The following MRPS31 variants were observed in gnomAD, a reference collection of about 807,000 sequenced individuals.
MRPS31 encodes small ribosomal subunit protein mS31.
Under a neutral mutation model 43.1 loss-of-function variants are expected in MRPS31, and 32 were observed. The observed-to-expected ratio is 0.74, with a 90% CI of 0.56 to 1.00. The LOEUF is 1.00. MRPS31 is among the 50% of genes least tolerant of loss of function. The pLI is 0.00. For missense variants in MRPS31, 437 were observed against 466.7 expected (o/e 0.94, Z 0.59); for synonymous variants, 165 against 161.6 (o/e 1.02, Z -0.16).
At chr13:40,732,821 T>C (rs1170663636) in intron 6 of MRPS31, among the ~76,000 whole-genome samples, 3 of 152,036 alleles carry the variant, frequency 2.0e-5, no homozygotes, top group Non-Finnish European at 2.9e-5. Context: ...CATGAGCATA[T>C]GTTTAAATTA....
At chr13:40,730,520 G>GAATC (rs966686216) in intron 6 of MRPS31, among the ~76,000 whole-genome samples, 5 of 152,120 alleles carry the variant, frequency 3.3e-5, no homozygotes, top group Admixed American at 1.3e-4. Flanking sequence ...GTGACACTCT[G>GAATC]AATCAATCAA....
chr13:40,758,463 C>T (rs1880597741), intron 3 of MRPS31, among the ~76,000 whole-genome samples: 1 of 151,804 alleles, frequency 6.6e-6, no homozygotes, highest in Admixed American at 6.6e-5. Flanking sequence ...ACTATACTTA[C>T]TACTTAATAT....
intron 4 of MRPS31, among the ~76,000 whole-genome samples, 176 bp from the exon 5 acceptor site, chr13:40,754,268 A>C (rs897189335): frequency 1.3e-5 from 2 of 152,242 alleles, no homozygotes; most frequent in Non-Finnish European, 2.9e-5. Context: ...AAAAAACAGA[A>C]ATGTGCACTT....
intron 2 of MRPS31, among the ~76,000 whole-genome samples, chr13:40,764,810 A>G (rs1367457224): frequency 6.6e-6 from 1 of 152,188 alleles, no homozygotes; most frequent in Admixed American, 6.5e-5. Context: ...GAGGCCCCAG[A>G]CATCACAGAG....
At chr13:40,769,412 A>AG (rs1880944361) in intron 1 of MRPS31, among the ~76,000 whole-genome samples, 1 of 101,064 alleles carries the variant, frequency 9.9e-6, no homozygotes, top group African/African-American at 4.4e-5. Context: ...ATATATATAT[A>AG]TATATATATT....
intron 6 of MRPS31, among the ~76,000 whole-genome samples, chr13:40,745,684 T>C (rs898262633): frequency 6.6e-6 from 1 of 152,218 alleles, no homozygotes; most frequent in African/African-American, 2.4e-5. Flanking sequence ...GTCTTATTTT[T>C]AATATAGTTC....
chr13:40,755,488 G>GC (rs772052962), intron 4 of MRPS31, among the ~76,000 whole-genome samples: 1 of 152,188 alleles, frequency 6.6e-6, no homozygotes, highest in Non-Finnish European at 1.5e-5. Context: ...TTCACTTTCA[G>GC]CATTTTATAG....
At chr13:40,738,301 T>A (rs1469785703) in intron 6 of MRPS31, among the ~76,000 whole-genome samples, 1 of 152,072 alleles carries the variant, frequency 6.6e-6, no homozygotes, top group African/African-American at 2.4e-5. Flanking sequence ...GATCAATAGC[T>A]TACCAACCAA....
chr13:40,754,055 C>A lies in MRPS31; in HGVS notation c.778G>T (p.Asp260Tyr). The change falls in exon 5 of 7, where the codon GAC becomes TAC. Residue 260 changes from aspartate to tyrosine, a missense_variant. Transcript: ENST00000323563. ...IFTGKRLNIFDMMAVTKEAPE... is the reference protein window; with the variant it reads ...IFTGKRLNIFYMMAVTKEAPE... ...GCTTCTTTAGTAACTGCCATCATGTCAAAAATATTAAGTCTTTTCCCTGTG... is the reference window on the plus strand; with the variant it reads ...GCTTCTTTAGTAACTGCCATCATGTAAAAAATATTAAGTCTTTTCCCTGTG... 6.3e-7 allele frequency: 1 copy of A among 1,599,196 alleles called. No homozygotes were observed. The highest frequency in any genetic ancestry group is 1.1e-5 in the South Asian group (1 of 88,852).
At chr13:40,756,553 G>A (rs546816112) in intron 4 of MRPS31, among the ~76,000 whole-genome samples, 1 of 152,248 alleles carries the variant, frequency 6.6e-6, no homozygotes, top group African/African-American at 2.4e-5. Context: ...GAAAAATAAT[G>A]TTTCTCACAA....
At position 40,733,571 on chromosome 13, in the gene MRPS31, G is replaced by T. The variant is rs573009364; in HGVS notation, c.959-3970C>A. ...CCCTCCTGAAACTTATGAATATTAT[G>T]AAGAGAAGATGCTAAAAGTTACCAA... On this transcript the variant is annotated intron_variant, in intron 6 of 6. Coordinates refer to ENST00000323563, the MANE Select transcript of MRPS31 (RefSeq NM_005830.4). Among the ~76,000 whole-genome samples, 31 of 152,226 alleles carry T rather than the reference G, an allele frequency of 2.0e-4. 2 individuals carry two copies. The South Asian group carries it at 6.0e-3, about 29-fold the overall frequency.
chr13:40,765,638 T>C (rs963417078), intron 2 of MRPS31, among the ~76,000 whole-genome samples: 1 of 152,186 alleles, frequency 6.6e-6, no homozygotes, highest in Non-Finnish European at 1.5e-5. Context: ...TACTACCCAA[T>C]CATACTTTCT....
chr13:40,732,723 G>C (rs1331615261), intron 6 of MRPS31, among the ~76,000 whole-genome samples: 1 of 152,056 alleles, frequency 6.6e-6, no homozygotes, highest in African/African-American at 2.4e-5. Context: ...GAGTGACAGA[G>C]TGACACTACA....
At chr13:40,767,624 T>A (rs1260251913) in intron 1 of MRPS31, among the ~76,000 whole-genome samples, 3 of 152,168 alleles carry the variant, frequency 2.0e-5, no homozygotes, top group Admixed American at 6.5e-5. Flanking sequence ...GAGATATTGA[T>A]CACTTGGTCC....
In MRPS31 at chr13:40,729,161, C is replaced by A; in HGVS notation, c.*211G>T. 1 of 372,078 alleles carries A rather than the reference C, an allele frequency of 2.7e-6. No homozygotes were observed. 23.0% of individuals were successfully genotyped at this position (372,078 alleles called of 1,614,324 possible). On this transcript the variant is annotated 3_prime_UTR_variant, in exon 7 of 7. Coordinates refer to ENST00000323563, the MANE Select transcript of MRPS31 (RefSeq NM_005830.4). Reference sequence around the variant, plus strand: ...TGTTGTCTTAAATGTATTACTAATTCCCAGATATTCTTTTGAACCTATGAA... The same window carrying A: ...TGTTGTCTTAAATGTATTACTAATTACCAGATATTCTTTTGAACCTATGAA...
intron 5 of MRPS31, 152 bp downstream of exon 5, chr13:40,753,867 A>T (rs1255450430): frequency 1.0e-5 from 6 of 598,186 alleles, no homozygotes; most frequent in Non-Finnish European, 1.5e-5. Flanking sequence ...TACAGTCCCA[A>T]GTTTTCCTTG....
chr13:40,730,005 C>T (rs1291819676), intron 6 of MRPS31, among the ~76,000 whole-genome samples: 1 of 151,742 alleles, frequency 6.6e-6, no homozygotes, highest in African/African-American at 2.4e-5. Context: ...GTTGGGATTA[C>T]AGGAGTGAGC....
At position 40,737,758 on chromosome 13, in the gene MRPS31, A is replaced by T. The variant is rs796571206; in HGVS notation, c.959-8157T>A. On this transcript the variant is annotated intron_variant, in intron 6 of 6. Transcript: ENST00000323563. Reference sequence around the variant, plus strand: ...AACCAACGAGAACAAAGACACAACAAACCAGAATCTCTGGGACACATTCAA... The same window carrying T: ...AACCAACGAGAACAAAGACACAACATACCAGAATCTCTGGGACACATTCAA... Among the ~76,000 whole-genome samples the T allele has an allele frequency of 2.4e-3, 361 of 152,174 alleles. 3 individuals carry two copies. Among genetic ancestry groups the T allele is most frequent in the Middle Eastern group, 0.01 (3 of 294 alleles).
chr13:40,770,753 G>A, intron 1 of MRPS31: 3 of 514,748 alleles, frequency 5.8e-6, no homozygotes, highest in Non-Finnish European at 3.5e-6. Context: ...ACTGACAGGA[G>A]ATGATGACAA....
Sources: allele counts gnomAD v4.1 joint callset (sites outside exome capture counted in the v4.1 genomes callset), GRCh38; gene constraint gnomAD v4.1.1; transcripts MANE v1.5; gene names NCBI Gene and HGNC (gene_info 2026-07-23, HGNC 2026-07-21).